VPS53: variants seen among roughly 807,000 people sequenced by gnomAD.
VPS53 encodes the protein vacuolar protein sorting-associated protein 53 homolog.
In VPS53, 70 loss-of-function variants were observed where a neutral mutation model predicts 107.0. That is an observed-to-expected ratio of 0.65 (90% CI 0.54 to 0.80). The LOEUF is 0.80. Among genes scored for constraint, VPS53 ranks in the 30% least tolerant of loss-of-function variants. The pLI, the probability that VPS53 is intolerant of heterozygous loss-of-function variation, is 0.00. For missense variants in VPS53, 917 were observed against 1,049.4 expected (o/e 0.87, Z 1.74); for synonymous variants, 409 against 393.3 (o/e 1.04, Z -0.47).
chr17:704,960 G>T (rs899731843), intron 2 of VPS53, among the ~76,000 whole-genome samples: 1 of 151,958 alleles, frequency 6.6e-6, no homozygotes. Flanking sequence ...AGCTATAAAG[G>T]CTTTTCGTGA....
At chr17:687,211 A>T (rs866406828) in intron 4 of VPS53, among the ~76,000 whole-genome samples, 1 of 151,712 alleles carries the variant, frequency 6.6e-6, no homozygotes, top group Admixed American at 6.6e-5. Flanking sequence ...ACTTGAACCC[A>T]GGAGACGGAG....
At chr17:712,098 G>A (rs1482081705) in intron 1 of VPS53, among the ~76,000 whole-genome samples, 3 of 151,160 alleles carry the variant, frequency 2.0e-5, no homozygotes, top group Non-Finnish European at 1.5e-5. Flanking sequence ...TTACAGGCGT[G>A]AGCCTCCACA....
intron 7 of VPS53, among the ~76,000 whole-genome samples, chr17:638,980 G>C (rs331003): frequency 0.35 from 52,860 of 152,060 alleles, 11,006 homozygotes; most frequent in Non-Finnish European, 0.47. Flanking sequence ...CTAGGTTGGG[G>C]AAGTTCTCCT....
At chr17:525,799 A>C (rs867029951) in intron 19 of VPS53, among the ~76,000 whole-genome samples, 58 of 152,016 alleles carry the variant, frequency 3.8e-4, no homozygotes, top group African/African-American at 1.3e-3. Context: ...GGAATTTGAG[A>C]CCAGCCTGGC....
At chr17:597,699 C>G (rs1196682003) in intron 12 of VPS53, among the ~76,000 whole-genome samples, 1 of 151,788 alleles carries the variant, frequency 6.6e-6, no homozygotes, top group Non-Finnish European at 1.5e-5. Context: ...TGCACCACCA[C>G]GCCCGGCTAA....
chr17:697,328 C>G, intron 4 of VPS53, 90 bp downstream of exon 4: 1 of 1,086,812 alleles, frequency 9.2e-7, no homozygotes, highest in Non-Finnish European at 1.4e-6. Context: ...TCGGAAAGTG[C>G]TCTGCAAGAG....
chr17:694,755 A>T (rs1212617984), intron 4 of VPS53, among the ~76,000 whole-genome samples: 6 of 152,320 alleles, frequency 3.9e-5, no homozygotes, highest in Non-Finnish European at 8.8e-5. Flanking sequence ...CAGTTGCATA[A>T]AATGTTGTGG....
chr17:602,650 G>C (rs1161001546), intron 11 of VPS53, among the ~76,000 whole-genome samples: 1 of 152,214 alleles, frequency 6.6e-6, no homozygotes, highest in Non-Finnish European at 1.5e-5. Context: ...CTATCACCCA[G>C]CTTCTCTGAG....
intron 7 of VPS53, among the ~76,000 whole-genome samples, chr17:631,985 A>AT (rs1969984287): frequency 2.6e-5 from 4 of 152,190 alleles, no homozygotes; most frequent in African/African-American, 9.7e-5. Context: ...GCAGTGGTTC[A>AT]CGCCTGGAAT....
At chr17:555,340 G>A (rs1597292089) in intron 15 of VPS53, among the ~76,000 whole-genome samples, 1 of 152,110 alleles carries the variant, frequency 6.6e-6, no homozygotes, top group East Asian at 1.9e-4. Context: ...CTGACCCACT[G>A]CCTTGCTTTG....
At position 635,044 on chromosome 17, in the gene VPS53, C is replaced by T. The variant is rs530991315; in HGVS notation, c.609-3416G>A. On this transcript the variant is annotated intron_variant, in intron 7 of 21. Coordinates refer to ENST00000437048, the MANE Select transcript of VPS53 (RefSeq NM_001128159.3). Reference sequence around the variant, plus strand: ...AAAATTGTTCCTATTTCTCCACATCCTCTCCAGCATCTGTTGTTTCCTGAC... The same window carrying T: ...AAAATTGTTCCTATTTCTCCACATCTTCTCCAGCATCTGTTGTTTCCTGAC... Among the ~76,000 whole-genome samples the T allele has an allele frequency of 3.9e-5, 6 of 152,314 alleles. No individual in the cohort carries two copies. In the South Asian group the frequency reaches 1.0e-3, roughly 26 times the overall value.
chr17:703,724 G>A (rs1278699986), intron 2 of VPS53, among the ~76,000 whole-genome samples: 2 of 151,914 alleles, frequency 1.3e-5, no homozygotes, highest in Non-Finnish European at 2.9e-5. Flanking sequence ...ACCACAATCA[G>A]AATTTTTGCG....
chr17:586,214 T>A (rs1195206999), intron 13 of VPS53, 56 bp downstream of exon 13: 1 of 1,547,306 alleles, frequency 6.5e-7, no homozygotes, highest in Non-Finnish European at 8.9e-7. Flanking sequence ...TAAGACCCAG[T>A]CATGACCAGA....
intron 6 of VPS53, 111 bp from the exon 7 acceptor site, chr17:653,521 C>T: frequency 2.6e-6 from 4 of 1,510,186 alleles, no homozygotes; most frequent in Non-Finnish European, 2.7e-6. Context: ...GCTGAATCAA[C>T]GTTCGCTGAG....
intron 8 of VPS53, 39 bp downstream of exon 8, chr17:631,511 G>C (rs747659460): frequency 6.3e-7 from 1 of 1,598,438 alleles, no homozygotes; most frequent in East Asian, 2.2e-5. Flanking sequence ...GGCAAGGATG[G>C]TGATCATCTC....
In VPS53 at chr17:714,540, C is replaced by T. The variant is rs1973775071; in HGVS notation, c.87+83G>A. On this transcript the variant is annotated intron_variant, in intron 1 of 21. Coordinates refer to ENST00000437048, the MANE Select transcript of VPS53 (RefSeq NM_001128159.3). ...CCGCGAGCCCCCGGCCCTCCGTCCACCCGCCGCGGCCTCCCCAGCGCCCGG... is the reference window on the plus strand; with the variant it reads ...CCGCGAGCCCCCGGCCCTCCGTCCATCCGCCGCGGCCTCCCCAGCGCCCGG... 5 of 1,414,432 alleles carry T rather than the reference C, an allele frequency of 3.5e-6. No individual in the cohort carries two copies. In the South Asian group the frequency reaches 5.1e-5, roughly 15 times the overall value. The allele number at this position is 1,414,432 out of a possible 1,614,324, so 87.6% of individuals were successfully genotyped here.
intron 2 of VPS53, among the ~76,000 whole-genome samples, chr17:699,790 AAATG>A (rs1210376010): frequency 2.0e-5 from 3 of 152,248 alleles, no homozygotes; most frequent in Admixed American, 2.0e-4. Context: ...ACAGCAACAA[AAATG>A]AATGAATGCA....
At chr17:545,753 A>G (rs1911132465) in intron 17 of VPS53, among the ~76,000 whole-genome samples, 1 of 152,226 alleles carries the variant, frequency 6.6e-6, no homozygotes, top group Non-Finnish European at 1.5e-5. Flanking sequence ...AAGTTGTTCA[A>G]AGTTTAATAG....
chr17:669,927 A>C (rs1597465597), intron 4 of VPS53, among the ~76,000 whole-genome samples: 1 of 152,086 alleles, frequency 6.6e-6, no homozygotes, highest in African/African-American at 2.4e-5. Context: ...AATAATAAAA[A>C]AATTAAAAGG....
Sources: allele counts gnomAD v4.1 joint callset (sites outside exome capture counted in the v4.1 genomes callset), GRCh38; gene constraint gnomAD v4.1.1; transcripts MANE v1.5; gene names NCBI Gene and HGNC (gene_info 2026-07-23, HGNC 2026-07-21).